LRMDA: variants seen among roughly 807,000 people sequenced by gnomAD.
LRMDA encodes leucine rich melanocyte differentiation associated.
LRMDA carries 18 observed loss-of-function variants against 29.8 expected under a neutral mutation model. That is an observed-to-expected ratio of 0.60 (90% confidence interval 0.42 to 0.90). The LOEUF is 0.90. Ranked by LOEUF, LRMDA falls within the 40% of genes least tolerant of loss-of-function variation. LRMDA has a pLI of 0.00. For missense variants in LRMDA, 273 were observed against 273.9 expected, an observed-to-expected ratio of 1.00 and a Z score of 0.02; for synonymous variants, 125 against 109.4, an observed-to-expected ratio of 1.14 and a Z score of -0.89.
chr10:75,751,503 G>A lies in LRMDA; in HGVS notation c.132-284505G>A, dbSNP rs61860540. The stretch of plus-strand genomic sequence containing the variant: ...AGTTATCTTACATCAAAATAACTTT[G>A]TTTTCTTGGCTGAGTTTCAGTTTTG... On this transcript the variant is annotated intron_variant, in intron 2 of 6. Coordinates refer to ENST00000611255, the MANE Select transcript of LRMDA (RefSeq NM_001305581.2). Among the ~76,000 whole-genome samples, 1,409 of 152,274 alleles carry A rather than the reference G, an allele frequency of 9.3e-3. 9 individuals are homozygous for A. The highest frequency in any genetic ancestry group is 0.016 in the Non-Finnish European group (1,088 of 68,014).
intron 6 of LRMDA, among the ~76,000 whole-genome samples, chr10:76,461,561 TA>T (rs1842511997): frequency 6.6e-6 from 1 of 152,140 alleles, no homozygotes; most frequent in African/African-American, 2.4e-5. Context: ...TCTAGAACCA[TA>T]AATTTGTTTT....
intron 2 of LRMDA, among the ~76,000 whole-genome samples, chr10:76,021,612 C>G (rs1332556570): frequency 2.0e-5 from 3 of 152,150 alleles, no homozygotes. Context: ...GGAGAGCCAG[C>G]AGACCTAATG....
Position 76,226,824 on chromosome 10 carries a change from A to G in LRMDA, c.517-97577A>G, listed in dbSNP as rs188371856. On this transcript the variant is annotated intron_variant, in intron 5 of 6. Transcript: ENST00000611255. ...CCTCACCAGATTCAGATGTTGTGAC[A>G]TGCATCTTGTACAGCATGCAGAGCT... Among the ~76,000 whole-genome samples the G allele has an allele frequency of 7.2e-5, 11 of 152,276 alleles. No individual in the cohort carries two copies. In the East Asian group the frequency reaches 2.1e-3, roughly 30 times the overall value.
intron 2 of LRMDA, among the ~76,000 whole-genome samples, chr10:75,636,469 T>C (rs1057418088): frequency 2.6e-5 from 4 of 152,232 alleles, no homozygotes; most frequent in African/African-American, 9.6e-5. Context: ...CATGCTAAGC[T>C]CTCAGTAAAA....
intron 2 of LRMDA, among the ~76,000 whole-genome samples, chr10:75,877,936 C>T (rs534593687): frequency 3.0e-4 from 45 of 152,256 alleles, no homozygotes; most frequent in Non-Finnish European, 5.6e-4. Flanking sequence ...TTCCCTTATC[C>T]CCCTCACAGG....
chr10:75,735,169 A>G (rs1842746766), intron 2 of LRMDA, among the ~76,000 whole-genome samples: 1 of 152,256 alleles, frequency 6.6e-6, no homozygotes, highest in Non-Finnish European at 1.5e-5. Context: ...ATACGTGACT[A>G]TATGACTGAG....
chr10:76,146,668 G>C (rs1489610909), intron 5 of LRMDA, among the ~76,000 whole-genome samples: 1 of 152,154 alleles, frequency 6.6e-6, no homozygotes, highest in African/African-American at 2.4e-5. Context: ...TTTAATTGGA[G>C]CTTTTAGCCC....
intron 2 of LRMDA, among the ~76,000 whole-genome samples, chr10:75,757,630 A>G (rs1046936647): frequency 6.6e-6 from 1 of 152,158 alleles, no homozygotes; most frequent in Non-Finnish European, 1.5e-5. Context: ...ATGAGATCAT[A>G]GTGGAACTGC....
intron 6 of LRMDA, among the ~76,000 whole-genome samples, chr10:76,541,606 T>G (rs1843356615): frequency 6.6e-6 from 1 of 152,222 alleles, no homozygotes; most frequent in South Asian, 2.1e-4. Context: ...GGTAAGAAGA[T>G]GTTCACATAA....
At chr10:75,530,278 A>G (rs1440852469) in intron 2 of LRMDA, among the ~76,000 whole-genome samples, 2 of 152,150 alleles carry the variant, frequency 1.3e-5, no homozygotes, top group East Asian at 3.8e-4. Context: ...TGAAAAAAAA[A>G]AATAACATTG....
At chr10:76,525,072 T>C (rs1340821847) in intron 6 of LRMDA, among the ~76,000 whole-genome samples, 1 of 152,086 alleles carries the variant, frequency 6.6e-6, no homozygotes, top group African/African-American at 2.4e-5. Context: ...TGGAAGAAAA[T>C]TATTCAGTAG....
intron 2 of LRMDA, among the ~76,000 whole-genome samples, chr10:75,652,693 A>G (rs1589147183): frequency 6.6e-6 from 1 of 152,096 alleles, no homozygotes. Flanking sequence ...GGGAGATGCC[A>G]TATCTGGGTC....
intron 6 of LRMDA, among the ~76,000 whole-genome samples, chr10:76,474,187 G>C (rs957387602): frequency 1.3e-5 from 2 of 151,574 alleles, no homozygotes; most frequent in African/African-American, 4.8e-5. Context: ...GGAACCTCGT[G>C]CCATATACAC....
chr10:75,782,899 A>T, intron 2 of LRMDA: 1 of 1,606,986 alleles, frequency 6.2e-7, no homozygotes, highest in African/African-American at 1.3e-5. Flanking sequence ...TGTTGCTCTC[A>T]TGCCTCTTGC....
rs1291773277 is a variant in LRMDA, at chr10:75,909,418, T to C, written c.132-126590T>C. ...CTCTCTCTGCATCCTCTTGGCCTGC[T>C]CTGATGTCCCTGCAGCCCTGGATGC... is the stretch of plus-strand genomic sequence containing the variant. On this transcript the variant is annotated intron_variant, in intron 2 of 6. Coordinates refer to ENST00000611255, the MANE Select transcript of LRMDA (RefSeq NM_001305581.2). Among the ~76,000 whole-genome samples, 7 of 152,194 alleles carry C rather than the reference T, an allele frequency of 4.6e-5. No individual in the cohort carries two copies. In the East Asian group the frequency reaches 1.3e-3, roughly 29 times the overall value.
At chr10:75,544,460 G>C (rs1564796784) in intron 2 of LRMDA, among the ~76,000 whole-genome samples, 1 of 152,070 alleles carries the variant, frequency 6.6e-6, no homozygotes, top group Non-Finnish European at 1.5e-5. Context: ...GGATCTACTG[G>C]AAAAAACCTT....
intron 2 of LRMDA, among the ~76,000 whole-genome samples, chr10:75,945,866 A>C (rs1028104496): frequency 6.6e-6 from 1 of 152,150 alleles, no homozygotes; most frequent in Non-Finnish European, 1.5e-5. Context: ...GCCATTTTAG[A>C]GATGGGGAAA....
At chr10:75,516,106 G>A (rs527438202) in intron 2 of LRMDA, among the ~76,000 whole-genome samples, 5 of 152,306 alleles carry the variant, frequency 3.3e-5, no homozygotes, top group African/African-American at 1.2e-4. Flanking sequence ...GTCTATCATT[G>A]ATGGACATTT....
At chr10:75,565,697 T>A (rs1441006983) in intron 2 of LRMDA, among the ~76,000 whole-genome samples, 2 of 151,942 alleles carry the variant, frequency 1.3e-5, no homozygotes, top group African/African-American at 4.8e-5. Flanking sequence ...AGGTATGTTA[T>A]TTTTTTGCTG....
Sources: gnomAD v4.1 joint callset for allele counts (sites outside exome capture counted in the v4.1 genomes callset) on GRCh38, gnomAD v4.1.1 for gene constraint, MANE v1.5 for transcripts, NCBI Gene and HGNC (gene_info 2026-07-23, HGNC 2026-07-21) for gene names.